ZRANB3: variants seen among roughly 807,000 people sequenced by gnomAD.
ZRANB3 encodes the protein zinc finger RANBP2-type containing 3.
A neutral mutation model predicts 133.8 loss-of-function variants in ZRANB3; 125 were observed. That is an observed-to-expected ratio of 0.93 (90% CI 0.81 to 1.08). ZRANB3 has a LOEUF of 1.08. Ranked by LOEUF, ZRANB3 falls within the 50% of genes least tolerant of loss-of-function variation. The probability of loss-of-function intolerance (pLI) is 0.00; values close to 1 mark genes in which losing one functional copy is unlikely to be tolerated. For synonymous variants in ZRANB3, 387 were observed against 432.7 expected (o/e 0.89, Z 1.31); for missense variants, 1,229 against 1,275.5 (o/e 0.96, Z 0.56).
intron 17 of ZRANB3, among the ~76,000 whole-genome samples, chr2:135,214,163 T>C (rs985588342): frequency 4.6e-5 from 7 of 152,208 alleles, no homozygotes. Context: ...AATAGCCAAC[T>C]TGGACTTCTT....
chr2:135,296,925 C>T (rs150769953), intron 8 of ZRANB3, among the ~76,000 whole-genome samples: 6,046 of 152,214 alleles, frequency 0.04, 413 homozygotes, highest in African/African-American at 0.14. Context: ...GCTGCCTGAT[C>T]GTTCCTCTGG....
At chr2:135,233,724 T>C (rs1558849676) in intron 12 of ZRANB3, among the ~76,000 whole-genome samples, 1 of 152,034 alleles carries the variant, frequency 6.6e-6, no homozygotes, top group African/African-American at 2.4e-5. Context: ...AATAAAATCC[T>C]TTACAGACAA....
At chr2:135,501,515 C>A (rs1006935437) in intron 2 of ZRANB3, among the ~76,000 whole-genome samples, 1 of 152,128 alleles carries the variant, frequency 6.6e-6, no homozygotes, top group Non-Finnish European at 1.5e-5. Context: ...AATCCAATAA[C>A]ACCATCTAAA....
In ZRANB3 at chr2:135,452,233, G is replaced by A. The variant is rs185796268; in HGVS notation, c.161+52096C>T. Among the ~76,000 whole-genome samples the A allele has an allele frequency of 4.7e-3, 716 of 152,156 alleles. 3 individuals are homozygous for A. The highest frequency in any genetic ancestry group is 7.3e-3 in the Non-Finnish European group (499 of 68,010). ...AAACTTTATTCACTATCATGAGAAC[G>A]GCATGGAAAAGAGGCCCCCATGATT... On this transcript the variant is annotated intron_variant, in intron 2 of 20. Coordinates refer to ENST00000264159, the MANE Select transcript of ZRANB3 (RefSeq NM_032143.4).
intron 11 of ZRANB3, among the ~76,000 whole-genome samples, 191 bp downstream of exon 11, chr2:135,268,771 C>G (rs980657206): frequency 3.3e-5 from 5 of 152,118 alleles, no homozygotes; most frequent in Non-Finnish European, 5.9e-5. Flanking sequence ...GTTCATGCCT[C>G]TCTTATTACA....
intron 6 of ZRANB3, among the ~76,000 whole-genome samples, chr2:135,327,250 A>G (rs1558919152): frequency 6.6e-6 from 1 of 152,220 alleles, no homozygotes. Flanking sequence ...ATTCAGGGTG[A>G]CAGCTTTCTG....
chr2:135,354,880 C>A (rs1685362361), intron 3 of ZRANB3, among the ~76,000 whole-genome samples: 1 of 152,058 alleles, frequency 6.6e-6, no homozygotes, highest in Non-Finnish European at 1.5e-5. Flanking sequence ...CAGAATTGTA[C>A]ACTAAAAATG....
chr2:135,511,581 T>G lies in ZRANB3; in HGVS notation c.-7-7085A>C. 3.4e-6 allele frequency: 3 copies of G among 892,684 alleles called. No individual in the cohort carries two copies. The East Asian group carries it at 7.2e-5, about 22-fold the overall frequency. 55.3% of individuals were successfully genotyped at this position (892,684 alleles called of 1,614,324 possible). On this transcript the variant is annotated intron_variant, in intron 1 of 20. Coordinates refer to ENST00000264159, the MANE Select transcript of ZRANB3 (RefSeq NM_032143.4). ...TATCATTGTGAACATAGAACTGATT[T>G]GCAACAGACCCCTCAGGAGCAAGTA...
intron 7 of ZRANB3, among the ~76,000 whole-genome samples, chr2:135,315,083 A>G (rs1683189080): frequency 6.6e-6 from 1 of 152,140 alleles, no homozygotes; most frequent in African/African-American, 2.4e-5. Context: ...AGAATTCTTA[A>G]TACTACATCT....
At chr2:135,294,328 G>T (rs1283762751) in intron 8 of ZRANB3, among the ~76,000 whole-genome samples, 1 of 152,168 alleles carries the variant, frequency 6.6e-6, no homozygotes, top group Non-Finnish European at 1.5e-5. Context: ...TCTTGGGAGG[G>T]TGTATGTGTT....
chr2:135,388,858 C>T (rs1168338606), intron 3 of ZRANB3, among the ~76,000 whole-genome samples: 1 of 152,092 alleles, frequency 6.6e-6, no homozygotes, highest in Non-Finnish European at 1.5e-5. Context: ...GGACGGATCA[C>T]CTGAGGTCAG....
chr2:135,421,636 G>C (rs928623649), intron 2 of ZRANB3, among the ~76,000 whole-genome samples: 2 of 151,712 alleles, frequency 1.3e-5, no homozygotes, highest in Non-Finnish European at 2.9e-5. Context: ...ACTTTTCTTT[G>C]CTACCAAAAT....
intron 2 of ZRANB3, among the ~76,000 whole-genome samples, chr2:135,406,650 T>A (rs1373301289): frequency 1.3e-5 from 2 of 152,218 alleles, no homozygotes; most frequent in African/African-American, 2.4e-5. Flanking sequence ...ATCCCTGGGA[T>A]GCAAGGTTGG....
chr2:135,370,036 T>C (rs919190767), intron 3 of ZRANB3, among the ~76,000 whole-genome samples: 11 of 87,572 alleles, frequency 1.3e-4, no homozygotes, highest in African/African-American at 2.9e-4. Context: ...CATGTTTCTT[T>C]TTTTTTTTTT....
intron 2 of ZRANB3, among the ~76,000 whole-genome samples, chr2:135,393,020 G>A (rs1383665131): frequency 3.3e-5 from 5 of 151,704 alleles, no homozygotes; most frequent in Non-Finnish European, 5.9e-5. Flanking sequence ...ACAGGTGTAT[G>A]CCACCACACC....
At chr2:135,437,796 T>C (rs769774066) in intron 2 of ZRANB3, among the ~76,000 whole-genome samples, 5 of 152,208 alleles carry the variant, frequency 3.3e-5, no homozygotes, top group Non-Finnish European at 7.3e-5. Context: ...TCAACATGAC[T>C]GGGCTAAAGG....
intron 2 of ZRANB3, among the ~76,000 whole-genome samples, chr2:135,420,091 TTATATATATATATATATATATA>T (rs201217358): frequency 9.7e-5 from 7 of 72,472 alleles, no homozygotes; most frequent in South Asian, 5.9e-4. Flanking sequence ...TATCTTAGAT[TTATATATATATATATATATATA>T]TATATATATA....
Position 135,321,962 on chromosome 2 carries a change from T to C in ZRANB3, c.678-6432A>G, listed in dbSNP as rs990727948. Among the ~76,000 whole-genome samples, 13 of 152,294 alleles carry C rather than the reference T, an allele frequency of 8.5e-5. No homozygotes were observed. The East Asian group carries it at 2.3e-3, about 27-fold the overall frequency. The stretch of plus-strand genomic sequence containing the variant: ...GGTGAAATTCATCACTTTTGTCTTT[T>C]ATCGTTCATGAAGTTTGTGCCCCAT... On this transcript the variant is annotated intron_variant, in intron 6 of 20. Coordinates refer to ENST00000264159, the MANE Select transcript of ZRANB3 (RefSeq NM_032143.4).
intron 2 of ZRANB3, among the ~76,000 whole-genome samples, chr2:135,496,125 G>A (rs1166407396): frequency 1.3e-5 from 2 of 152,102 alleles, no homozygotes; most frequent in Non-Finnish European, 2.9e-5. Context: ...GCTCATGCCT[G>A]TAATCCCACC....
Sources: allele counts gnomAD v4.1 joint callset (sites outside exome capture counted in the v4.1 genomes callset), GRCh38; gene constraint gnomAD v4.1.1; transcripts MANE v1.5; gene names NCBI Gene and HGNC (gene_info 2026-07-23, HGNC 2026-07-21).